The following SGCZ variants were observed in gnomAD, a reference collection of about 807,000 sequenced individuals.
SGCZ encodes the protein zeta-sarcoglycan.
In SGCZ, 40 loss-of-function variants were observed where a neutral mutation model predicts 41.3. The observed-to-expected ratio is 0.97, with a 90% CI of 0.75 to 1.26. The LOEUF (loss-of-function observed/expected upper bound fraction) is 1.26. SGCZ is among the 50% of genes most tolerant of loss of function. SGCZ has a pLI of 0.00. For missense variants in SGCZ, 552 were observed against 369.8 expected (o/e 1.49, Z -4.04); for synonymous variants, 206 against 137.5 (o/e 1.50, Z -3.49).
intron 1 of SGCZ, among the ~76,000 whole-genome samples, chr8:15,204,777 T>A (rs1801007589): frequency 6.6e-6 from 1 of 152,108 alleles, no homozygotes; most frequent in Non-Finnish European, 1.5e-5. Flanking sequence ...CCACATAACA[T>A]CTACTATAAT....
intron 2 of SGCZ, among the ~76,000 whole-genome samples, chr8:14,464,623 C>A (rs548757052): frequency 6.6e-6 from 1 of 150,416 alleles, no homozygotes; most frequent in South Asian, 2.1e-4. Flanking sequence ...ATGATTTCTT[C>A]CCTTCTGTTA....
intron 1 of SGCZ, among the ~76,000 whole-genome samples, chr8:14,761,981 A>C (rs1222411063): frequency 6.6e-6 from 1 of 152,128 alleles, no homozygotes; most frequent in African/African-American, 2.4e-5. Flanking sequence ...TCATGCTAAC[A>C]CAGGGTTCAG....
chr8:14,728,796 C>A (rs1354880073), intron 1 of SGCZ, among the ~76,000 whole-genome samples: 1 of 152,076 alleles, frequency 6.6e-6, no homozygotes, highest in Admixed American at 6.5e-5. Context: ...CTAGGGGACA[C>A]AATGAAACAA....
chr8:14,646,198 T>C (rs1807209351), intron 1 of SGCZ, among the ~76,000 whole-genome samples: 2 of 151,404 alleles, frequency 1.3e-5, no homozygotes, highest in Admixed American at 1.3e-4. Flanking sequence ...AGCTTACTGC[T>C]CCTGACTCCC....
intron 1 of SGCZ, among the ~76,000 whole-genome samples, chr8:15,164,017 G>C (rs1485213503): frequency 1.3e-5 from 2 of 152,168 alleles, no homozygotes; most frequent in African/African-American, 4.8e-5. Context: ...ATGGCCGCCG[G>C]GAAGCGCTCT....
At chr8:14,690,896 G>T (rs1197732391) in intron 1 of SGCZ, among the ~76,000 whole-genome samples, 1 of 152,112 alleles carries the variant, frequency 6.6e-6, no homozygotes, top group Non-Finnish European at 1.5e-5. Flanking sequence ...TTAGTGTTGT[G>T]AAATATAAAG....
intron 1 of SGCZ, among the ~76,000 whole-genome samples, chr8:14,636,790 A>C (rs1195626254): frequency 1.3e-5 from 2 of 151,942 alleles, no homozygotes; most frequent in Non-Finnish European, 2.9e-5. Flanking sequence ...AATGCTAAAC[A>C]TAAATTCCAG....
chr8:14,238,573 C>T (rs919862565), intron 3 of SGCZ, among the ~76,000 whole-genome samples: 17 of 152,146 alleles, frequency 1.1e-4, no homozygotes, highest in Non-Finnish European at 2.5e-4. Context: ...ATAACACTGC[C>T]TTAACAGCTC....
At chr8:14,734,087 A>T (rs139280848) in intron 1 of SGCZ, among the ~76,000 whole-genome samples, 111 of 152,336 alleles carry the variant, frequency 7.3e-4, no homozygotes, top group African/African-American at 2.6e-3. Flanking sequence ...GGAAACAGCA[A>T]TCATGGACGC....
chr8:14,263,854 G>C (rs1799766242), intron 3 of SGCZ, among the ~76,000 whole-genome samples: 1 of 152,124 alleles, frequency 6.6e-6, no homozygotes, highest in African/African-American at 2.4e-5. Flanking sequence ...CTCAGAGACA[G>C]ACAAAACTCT....
chr8:14,865,338 T>G (rs1374137917), intron 1 of SGCZ, among the ~76,000 whole-genome samples: 2 of 152,054 alleles, frequency 1.3e-5, no homozygotes, highest in African/African-American at 4.8e-5. Flanking sequence ...TTTTTTCCAC[T>G]GCATTTCTTC....
At chr8:14,673,164 C>A (rs1342855811) in intron 1 of SGCZ, among the ~76,000 whole-genome samples, 5 of 152,136 alleles carry the variant, frequency 3.3e-5, no homozygotes, top group African/African-American at 4.8e-5. Flanking sequence ...ATGATGTTTA[C>A]CCTGTATTGT....
chr8:14,231,977 T>A (rs1223792320), intron 4 of SGCZ, among the ~76,000 whole-genome samples: 2 of 152,046 alleles, frequency 1.3e-5, no homozygotes, highest in Non-Finnish European at 2.9e-5. Flanking sequence ...TGTGTATCTT[T>A]TTATAAACTT....
intron 3 of SGCZ, among the ~76,000 whole-genome samples, chr8:14,311,279 T>G (rs926376820): frequency 6.6e-6 from 1 of 151,952 alleles, no homozygotes; most frequent in Admixed American, 6.6e-5. Context: ...TAAAGAAGAG[T>G]AACTTTAACT....
intron 5 of SGCZ, among the ~76,000 whole-genome samples, chr8:14,110,535 A>G (rs1284025028): frequency 1.3e-5 from 2 of 152,186 alleles, no homozygotes; most frequent in Non-Finnish European, 2.9e-5. Context: ...TCTTGAAGAA[A>G]TAAATATGTA....
At chr8:14,779,333 T>C (rs907932728) in intron 1 of SGCZ, among the ~76,000 whole-genome samples, 7 of 152,216 alleles carry the variant, frequency 4.6e-5, no homozygotes, top group Non-Finnish European at 1.0e-4. Context: ...GCATTTCCAC[T>C]GAGAAGCCTG....
intron 1 of SGCZ, among the ~76,000 whole-genome samples, chr8:14,867,133 G>C (rs554263569): frequency 6.6e-6 from 1 of 151,980 alleles, no homozygotes; most frequent in Admixed American, 6.6e-5. Flanking sequence ...TTTCTCCTTC[G>C]CTCATTCTTT....
At chr8:14,546,635 AT>A (rs1490232474) in intron 2 of SGCZ, among the ~76,000 whole-genome samples, 1 of 152,154 alleles carries the variant, frequency 6.6e-6, no homozygotes, top group Non-Finnish European at 1.5e-5. Flanking sequence ...ACATTCTTCC[AT>A]TTAATTAATA....
chr8:14,346,467 A>T (rs1802894362), intron 2 of SGCZ, among the ~76,000 whole-genome samples: 1 of 152,058 alleles, frequency 6.6e-6, no homozygotes, highest in Admixed American at 6.6e-5. Flanking sequence ...ACTATATATA[A>T]ATGCTAATTA....
Sources: allele counts gnomAD v4.1 joint callset (sites outside exome capture counted in the v4.1 genomes callset), GRCh38; gene constraint gnomAD v4.1.1; transcripts MANE v1.5; gene names NCBI Gene and HGNC (gene_info 2026-07-23, HGNC 2026-07-21).